Variants in TRAM2 observed in about 807,000 individuals in gnomAD.
TRAM2 encodes the protein translocation associated membrane protein 2.
Under a neutral mutation model 51.0 loss-of-function variants are expected in TRAM2, and 12 were observed. The ratio of observed to expected loss-of-function variants is 0.24; its 90% CI spans 0.15 to 0.38. The LOEUF is 0.38. Among genes scored for constraint, TRAM2 ranks in the 10% least tolerant of loss-of-function variants. TRAM2 has a pLI of 1.00. For missense variants in TRAM2, 361 were observed against 462.0 expected, an observed-to-expected ratio of 0.78 and a Z score of 2.00; for synonymous variants, 175 against 179.4, an observed-to-expected ratio of 0.98 and a Z score of 0.20.
At position 52,504,555 on chromosome 6, in the gene TRAM2, C is replaced by T. The variant is rs367646521; in HGVS notation, c.1039+36G>A. 5 of 1,612,560 alleles carry T rather than the reference C, an allele frequency of 3.1e-6. No homozygotes were observed. In the African/African-American group the frequency reaches 6.7e-5, roughly 21 times the overall value. On this transcript the variant is annotated intron_variant, in intron 10 of 10. Coordinates refer to ENST00000182527, the MANE Select transcript of TRAM2 (RefSeq NM_012288.4). ...TCCCACCCATCCCAGACAGACTTCC[C>T]TGGCTCCACTCTCTGCCAAGGGCCC...
intron 2 of TRAM2, among the ~76,000 whole-genome samples, chr6:52,534,286 C>T (rs1440735149): frequency 3.3e-5 from 5 of 151,980 alleles, no homozygotes; most frequent in Non-Finnish European, 7.4e-5. Flanking sequence ...GAGGCTGAGG[C>T]GGAAGAATCG....
chr6:52,526,271 T>C lies in TRAM2; in HGVS notation c.184+9512A>G, dbSNP rs75744533. On this transcript the variant is annotated intron_variant, in intron 2 of 10. Transcript: ENST00000182527. ...CCATTTTAACCCCACATTGCATGCT[T>C]TGTAATATATTTTCTCCATTTTTAT... Among the ~76,000 whole-genome samples the C allele has an allele frequency of 8.3e-3, 1,262 of 151,956 alleles. 17 individuals are homozygous for C. The highest frequency in any genetic ancestry group is 0.029 in the African/African-American group (1,190 of 41,382).
Position 52,498,054 on chromosome 6 carries a change from G to GA in TRAM2, c.*5142dup, listed in dbSNP as rs572427051. ...CTCTTCAACACATTTTTTAAAAATA[G>GA]ACCTCTAAGATGATGCTACATGTTC... is the stretch of plus-strand genomic sequence containing the variant. On this transcript the variant is annotated 3_prime_UTR_variant, in exon 11 of 11. Coordinates refer to ENST00000182527, the MANE Select transcript of TRAM2 (RefSeq NM_012288.4). The GA allele has an allele frequency of 2.6e-4, 39 of 152,306 alleles. No homozygotes were observed. Among genetic ancestry groups the GA allele is most frequent in the African/African-American group, 9.1e-4 (38 of 41,564 alleles). The allele number at this position is 152,306 out of a possible 1,614,324, so 9.4% of individuals were successfully genotyped here. A position where few individuals can be genotyped will look rare whatever the true frequency, so the allele number is the denominator to read the frequency against.
chr6:52,557,786 C>T (rs1767435005), intron 1 of TRAM2, among the ~76,000 whole-genome samples: 1 of 152,140 alleles, frequency 6.6e-6, no homozygotes. Flanking sequence ...TTCAAGAGGT[C>T]TCCATGGAAA....
intron 1 of TRAM2, among the ~76,000 whole-genome samples, chr6:52,557,003 G>A (rs1767418231): frequency 6.6e-6 from 1 of 152,044 alleles, no homozygotes. Flanking sequence ...AGACCACCCT[G>A]GCCAACATGG....
chr6:52,568,807 T>A (rs1767630691), intron 1 of TRAM2, among the ~76,000 whole-genome samples: 1 of 152,204 alleles, frequency 6.6e-6, no homozygotes. Context: ...TACACTTATA[T>A]AATAAAGATG....
intron 2 of TRAM2, among the ~76,000 whole-genome samples, chr6:52,534,338 G>A (rs1333560524): frequency 6.6e-6 from 1 of 151,818 alleles, no homozygotes; most frequent in African/African-American, 2.4e-5. Context: ...TCGAGATCAG[G>A]CCATTGCACT....
chr6:52,504,217 A>G (rs1017486857), intron 10 of TRAM2, among the ~76,000 whole-genome samples: 1 of 152,238 alleles, frequency 6.6e-6, no homozygotes, highest in Non-Finnish European at 1.5e-5. Flanking sequence ...GCAAAAGGGC[A>G]GGTGAGGACA....
rs1766126008 is a variant in TRAM2 at position 52,498,149 on chromosome 6, T to C, written c.*5048A>G. The C allele has an allele frequency of 6.6e-6, 1 of 152,556 alleles. No individual in the cohort carries two copies. Among genetic ancestry groups the C allele is most frequent in the Non-Finnish European group, 1.5e-5 (1 of 68,048 alleles). 9.5% of individuals were successfully genotyped at this position (152,556 alleles called of 1,614,324 possible). On this transcript the variant is annotated 3_prime_UTR_variant, in exon 11 of 11. Transcript: ENST00000182527. ...ACAAAAGGAAAGTGGCTATTTCTTG[T>C]GTAAGGGATGACGACTCCCCCTCCC... is the stretch of plus-strand genomic sequence containing the variant.
chr6:52,510,523 G>A (rs1181729143), intron 4 of TRAM2, among the ~76,000 whole-genome samples: 3 of 152,186 alleles, frequency 2.0e-5, no homozygotes, highest in African/African-American at 7.2e-5. Flanking sequence ...GGTGCCTTGG[G>A]AGGTGGAACC....
chr6:52,566,929 T>C (rs1767599192), intron 1 of TRAM2, among the ~76,000 whole-genome samples: 1 of 152,218 alleles, frequency 6.6e-6, no homozygotes, highest in Admixed American at 6.5e-5. Flanking sequence ...GGGGTAGTCA[T>C]CATCAAGTGA....
At chr6:52,517,632 A>G (rs1478142823) in intron 2 of TRAM2, among the ~76,000 whole-genome samples, 1 of 152,232 alleles carries the variant, frequency 6.6e-6, no homozygotes, top group Non-Finnish European at 1.5e-5. Context: ...CGGGGCTGTG[A>G]GCCTGGTGGC....
intron 2 of TRAM2, among the ~76,000 whole-genome samples, chr6:52,533,767 C>G (rs946638609): frequency 3.3e-5 from 5 of 152,196 alleles, no homozygotes; most frequent in Admixed American, 1.3e-4. Context: ...AGAATCTCAC[C>G]TTAAAGTCAA....
At chr6:52,534,329 C>A (rs964099116) in intron 2 of TRAM2, among the ~76,000 whole-genome samples, 12 of 152,218 alleles carry the variant, frequency 7.9e-5, no homozygotes, top group African/African-American at 2.9e-4. Flanking sequence ...TGCAGTGAGT[C>A]GAGATCAGGC....
intron 1 of TRAM2, among the ~76,000 whole-genome samples, chr6:52,571,432 G>C (rs117132595): frequency 0.013 from 2,009 of 152,274 alleles, 25 homozygotes; most frequent in East Asian, 0.028. Context: ...TGTTGTGACC[G>C]GTCCGGACAG....
chr6:52,543,850 G>C (rs1451282134), intron 1 of TRAM2, among the ~76,000 whole-genome samples: 2 of 152,092 alleles, frequency 1.3e-5, no homozygotes, highest in Non-Finnish European at 1.5e-5. Flanking sequence ...TGGTATTCAG[G>C]GAAATAAAAG....
At chr6:52,550,517 C>G (rs560080757) in intron 1 of TRAM2, among the ~76,000 whole-genome samples, 1 of 152,062 alleles carries the variant, frequency 6.6e-6, no homozygotes, top group Admixed American at 6.6e-5. Flanking sequence ...ACCTCATCAA[C>G]GTAACTGCTG....
chr6:52,559,731 C>G (rs986514752), intron 1 of TRAM2, among the ~76,000 whole-genome samples: 1 of 152,230 alleles, frequency 6.6e-6, no homozygotes, highest in Non-Finnish European at 1.5e-5. Context: ...AACCTAAACA[C>G]TCTCTCACCT....
intron 1 of TRAM2, among the ~76,000 whole-genome samples, chr6:52,545,197 C>T (rs1016505219): frequency 2.0e-5 from 3 of 152,178 alleles, no homozygotes; most frequent in African/African-American, 4.8e-5. Context: ...GACGGAGAGG[C>T]TGGACCCCCA....
Sources: allele counts gnomAD v4.1 joint callset (sites outside exome capture counted in the v4.1 genomes callset), GRCh38; gene constraint gnomAD v4.1.1; transcripts MANE v1.5; gene names NCBI Gene and HGNC (gene_info 2026-07-23, HGNC 2026-07-21).